Variants in SYT1 observed in about 807,000 individuals in gnomAD.
SYT1 encodes the protein synaptotagmin 1.
In SYT1, 8 loss-of-function variants were observed where a neutral mutation model predicts 44.8. The ratio of observed to expected loss-of-function variants is 0.18; its 90% CI spans 0.10 to 0.32. The LOEUF (loss-of-function observed/expected upper bound fraction) is 0.32. SYT1 is among the 10% of genes least tolerant of loss of function. SYT1 has a pLI of 1.00. For synonymous variants in SYT1, 154 were observed against 188.8 expected, an observed-to-expected ratio of 0.82 and a Z score of 1.51; for missense variants, 286 against 509.3, an observed-to-expected ratio of 0.56 and a Z score of 4.22.
At chr12:79,174,641 A>C (rs1024480849) in intron 3 of SYT1, among the ~76,000 whole-genome samples, 3 of 152,040 alleles carry the variant, frequency 2.0e-5, no homozygotes, top group Admixed American at 6.6e-5. Flanking sequence ...ATCAATAGCA[A>C]GGATTAAGAA....
At chr12:79,354,911 T>TC (rs1565922959) in intron 9 of SYT1, among the ~76,000 whole-genome samples, 1 of 152,216 alleles carries the variant, frequency 6.6e-6, no homozygotes, top group Non-Finnish European at 1.5e-5. Context: ...GATTTCTTTG[T>TC]ATCCTGTCTC....
intron 1 of SYT1, among the ~76,000 whole-genome samples, chr12:78,893,313 C>T (rs1875157833): frequency 6.6e-6 from 1 of 151,830 alleles, no homozygotes; most frequent in Non-Finnish European, 1.5e-5. Context: ...AAGTTATAAT[C>T]TAGATGGATC....
At chr12:78,922,164 G>C (rs963962728) in intron 1 of SYT1, among the ~76,000 whole-genome samples, 3 of 151,912 alleles carry the variant, frequency 2.0e-5, no homozygotes, top group Non-Finnish European at 4.4e-5. Flanking sequence ...TCTTTGAACA[G>C]TTTGAAGAAC....
chr12:79,119,543 TTCTA>T (rs1182891079), intron 3 of SYT1, among the ~76,000 whole-genome samples: 4 of 152,162 alleles, frequency 2.6e-5, no homozygotes, highest in Non-Finnish European at 5.9e-5. Context: ...CTTTCACTTT[TTCTA>T]TCTAACTCCT....
chr12:78,904,298 T>A (rs529419784), intron 1 of SYT1, among the ~76,000 whole-genome samples: 9 of 152,274 alleles, frequency 5.9e-5, no homozygotes, highest in African/African-American at 1.9e-4. Context: ...TTAAGTTACA[T>A]GTGATTTATC....
chr12:79,416,953 G>A (rs992214022), intron 9 of SYT1, among the ~76,000 whole-genome samples: 8 of 151,974 alleles, frequency 5.3e-5, no homozygotes, highest in Non-Finnish European at 7.4e-5. Context: ...AAAATACAAC[G>A]AAAATCCTAA....
At chr12:79,078,246 G>A (rs969184743) in intron 3 of SYT1, among the ~76,000 whole-genome samples, 1 of 152,076 alleles carries the variant, frequency 6.6e-6, no homozygotes, top group Non-Finnish European at 1.5e-5. Flanking sequence ...GGAGCTGAGC[G>A]TGCCTTCTCC....
At chr12:79,322,267 G>A (rs145426238) in intron 8 of SYT1, among the ~76,000 whole-genome samples, 26 of 152,058 alleles carry the variant, frequency 1.7e-4, no homozygotes, top group African/African-American at 4.8e-5. Context: ...TTATTCAAAC[G>A]TATTCTGAGA....
At chr12:79,418,761 A>T (rs1193497346) in intron 9 of SYT1, among the ~76,000 whole-genome samples, 1 of 152,116 alleles carries the variant, frequency 6.6e-6, no homozygotes, top group Non-Finnish European at 1.5e-5. Context: ...GCCAGCAGTA[A>T]CTCTTCCAAC....
intron 1 of SYT1, among the ~76,000 whole-genome samples, chr12:78,975,546 A>C (rs752570206): frequency 4.6e-5 from 7 of 152,182 alleles, no homozygotes; most frequent in Non-Finnish European, 5.9e-5. Flanking sequence ...CCTTTAAATC[A>C]TGGGACTGAG....
chr12:79,056,779 T>G (rs1358435182), intron 3 of SYT1, among the ~76,000 whole-genome samples: 1 of 152,080 alleles, frequency 6.6e-6, no homozygotes, highest in Non-Finnish European at 1.5e-5. Context: ...CATTATTCTT[T>G]TACCAAAGAA....
chr12:78,958,812 C>T (rs940905003), intron 1 of SYT1, among the ~76,000 whole-genome samples: 3 of 151,900 alleles, frequency 2.0e-5, no homozygotes, highest in Non-Finnish European at 2.9e-5. Context: ...GGATCATTTA[C>T]GCAAACGTGG....
intron 1 of SYT1, among the ~76,000 whole-genome samples, chr12:78,883,332 T>G (rs2137059592): frequency 6.6e-6 from 1 of 151,850 alleles, no homozygotes; most frequent in African/African-American, 2.4e-5. Flanking sequence ...CTTTGGTGGA[T>G]ATCACTGAAG....
rs1880642126 is a variant in SYT1 at position 79,309,347 on chromosome 12, G to C, written c.810+9796G>C. ...ATCCCAGTAGGGAATCTTGAATTCT[G>C]ACCTCCCATGTTCTATTTTGAAATA... On this transcript the variant is annotated intron_variant, in intron 8 of 10. Transcript: ENST00000261205. Among the ~76,000 whole-genome samples the C allele has an allele frequency of 6.6e-5, 10 of 151,650 alleles. 1 individual carries two copies. In the South Asian group the frequency reaches 2.1e-3, roughly 32 times the overall value.
At chr12:79,220,799 A>G (rs577258521) in intron 4 of SYT1, among the ~76,000 whole-genome samples, 3 of 152,198 alleles carry the variant, frequency 2.0e-5, no homozygotes, top group African/African-American at 7.2e-5. Flanking sequence ...AAATAACTTG[A>G]TATAGTTTTA....
rs200559210 is a variant in SYT1 at position 79,311,825 on chromosome 12, A to T, written c.810+12274A>T. On this transcript the variant is annotated intron_variant, in intron 8 of 10. Transcript: ENST00000261205. Reference sequence around the variant, plus strand: ...TAGGTGGGAATTGAACAATGAGAACACATGGACACAGGAAGGGGAACATCA... The same window carrying T: ...TAGGTGGGAATTGAACAATGAGAACTCATGGACACAGGAAGGGGAACATCA... Among the ~76,000 whole-genome samples, 18 of 140,462 alleles carry T rather than the reference A, an allele frequency of 1.3e-4. No individual in the cohort carries two copies. The East Asian group carries it at 4.0e-3, about 31-fold the overall frequency. The allele number at this position is 140,462 out of a possible 152,430, so 92.1% of individuals were successfully genotyped here.
intron 2 of SYT1, among the ~76,000 whole-genome samples, chr12:78,999,380 T>A (rs9668838): frequency 0.07 from 10,605 of 152,236 alleles, 453 homozygotes; most frequent in East Asian, 0.15. Flanking sequence ...TCTGGATCTT[T>A]GACGTATTTT....
intron 9 of SYT1, among the ~76,000 whole-genome samples, chr12:79,439,393 A>T (rs532093289): frequency 6.6e-6 from 1 of 152,280 alleles, no homozygotes; most frequent in South Asian, 2.1e-4. Context: ...TTTGTCTTTT[A>T]TCTCATACAT....
At chr12:79,221,369 A>G (rs902696732) in intron 4 of SYT1, among the ~76,000 whole-genome samples, 4 of 152,152 alleles carry the variant, frequency 2.6e-5, no homozygotes, top group African/African-American at 9.6e-5. Context: ...CAGTCATTCT[A>G]TGCCTTTTGA....
Sources: allele counts gnomAD v4.1 joint callset (sites outside exome capture counted in the v4.1 genomes callset), GRCh38; gene constraint gnomAD v4.1.1; transcripts MANE v1.5; gene names NCBI Gene and HGNC (gene_info 2026-07-23, HGNC 2026-07-21).